The following S100A13 variants were observed in gnomAD, a reference collection of about 807,000 sequenced individuals.
The protein encoded by S100A13 is S100 calcium binding protein A13.
A neutral mutation model predicts 8.2 loss-of-function variants in S100A13; 6 were observed. The observed-to-expected ratio is 0.73, with a 90% CI of 0.40 to 1.44. The LOEUF is 1.44. Among genes scored for constraint, S100A13 ranks in the 40% most tolerant of loss-of-function variants. S100A13 has a pLI of 0.02. For synonymous variants in S100A13, 39 were observed against 45.9 expected (o/e 0.85, Z 0.61); for missense variants, 114 against 113.6 (o/e 1.00, Z -0.02).
upstream of S100A13, chr1:153,628,072 C>T (rs766973279): frequency 1.8e-5 from 28 of 1,550,474 alleles, no homozygotes; most frequent in East Asian, 6.4e-4. Context: ...AGTGAGGCCC[C>T]ATGGAGGAGC....
chr1:153,632,038 C>T (rs1483101929), upstream of S100A13: 2 of 617,066 alleles, frequency 3.2e-6, no homozygotes, highest in African/African-American at 3.7e-5. Flanking sequence ...TCTCACCAGC[C>T]ATCCGATGTC....
At chr1:153,624,074 C>T (rs1466316214) in intron 2 of S100A13, among the ~76,000 whole-genome samples, 1 of 152,124 alleles carries the variant, frequency 6.6e-6, no homozygotes, top group East Asian at 1.9e-4. Context: ...CTGAAGGTAC[C>T]TGAGGAGTCA....
At chr1:153,623,138 T>C (rs1182247265) in intron 2 of S100A13, among the ~76,000 whole-genome samples, 7 of 150,294 alleles carry the variant, frequency 4.7e-5, no homozygotes, top group African/African-American at 1.7e-4. Flanking sequence ...AACGATACAG[T>C]GGAGAAGGAA....
At chr1:153,628,383 G>C (rs1181995770), upstream of S100A13, 15 of 1,548,086 alleles carry the variant, frequency 9.7e-6, no homozygotes, top group Non-Finnish European at 1.3e-5. Context: ...TCGGTGGGGG[G>C]GTCAGCGGGG....
intron 2 of S100A13, among the ~76,000 whole-genome samples, chr1:153,621,159 A>AT (rs59588947): frequency 0.41 from 58,822 of 142,640 alleles, 13,847 homozygotes; most frequent in East Asian, 0.68. Context: ...TATCTACAGG[A>AT]TTTTTTTTTT....
intron 1 of S100A13, 111 bp from the exon 2 acceptor site, chr1:153,626,644 G>A (rs1393776757): frequency 5.1e-6 from 3 of 589,700 alleles, no homozygotes; most frequent in Non-Finnish European, 8.8e-6. Flanking sequence ...CCTGGAGGGG[G>A]CATATGGGGA....
upstream of S100A13, chr1:153,628,378 G>T: frequency 6.5e-7 from 1 of 1,546,076 alleles, no homozygotes; most frequent in Middle Eastern, 1.7e-4. Context: ...TGGAGTCGGT[G>T]GGGGGGTCAG....
At chr1:153,619,523 C>G (rs1385512227) in intron 2 of S100A13, among the ~76,000 whole-genome samples, 5 of 152,152 alleles carry the variant, frequency 3.3e-5, no homozygotes, top group Non-Finnish European at 7.3e-5. Flanking sequence ...TTGCACAACC[C>G]TTGTGTCTTT....
chr1:153,634,180 C>A (rs1668210029), upstream of S100A13: 1 of 152,818 alleles, frequency 6.5e-6, no homozygotes, highest in Non-Finnish European at 1.5e-5. Flanking sequence ...AGCCAACCAG[C>A]AACAACGAAC....
chr1:153,620,852 G>A lies in S100A13; in HGVS notation c.154-1814C>T, dbSNP rs1667198880. Among the ~76,000 whole-genome samples the A allele has an allele frequency of 2.0e-5, 3 of 152,026 alleles. No individual in the cohort carries two copies. In the South Asian group the frequency reaches 6.2e-4, roughly 32 times the overall value. On this transcript the variant is annotated intron_variant, in intron 2 of 2. Transcript: ENST00000476133. ...AGGCCAAGGTGAGAGGATCGCTTGAGCCCAGGAGTTCAAGACCAGCCAGGG... is the reference window on the plus strand; with the variant it reads ...AGGCCAAGGTGAGAGGATCGCTTGAACCCAGGAGTTCAAGACCAGCCAGGG...
upstream of S100A13, chr1:153,630,477 C>T (rs1167912386): frequency 1.2e-6 from 2 of 1,609,542 alleles, no homozygotes; most frequent in Non-Finnish European, 1.7e-6. Flanking sequence ...CGGGCCTGGT[C>T]CTCAGCTCAC....
At chr1:153,631,536 A>G, upstream of S100A13, 1 of 1,613,842 alleles carries the variant, frequency 6.2e-7, no homozygotes, top group Non-Finnish European at 8.5e-7. Flanking sequence ...GCTGTAGGCA[A>G]CAGAAGCCCT....
In S100A13 at chr1:153,626,494, G is replaced by A; in HGVS notation, c.-22C>T. On this transcript the variant is annotated 5_prime_UTR_variant, in exon 2 of 3. Transcript: ENST00000476133. ...CCATTAGGACCCTGAGGCCAAAGCTGATGTCCTCAAGGGGCTAGCTGACCT... is the reference window on the plus strand; with the variant it reads ...CCATTAGGACCCTGAGGCCAAAGCTAATGTCCTCAAGGGGCTAGCTGACCT... 1.2e-6 allele frequency: 2 copies of A among 1,613,228 alleles called. No homozygotes were observed. Among genetic ancestry groups the A allele is most frequent in the Non-Finnish European group, 8.5e-7 (1 of 1,179,280 alleles).
upstream of S100A13, chr1:153,628,489 G>A: frequency 6.4e-7 from 1 of 1,550,746 alleles, no homozygotes; most frequent in Non-Finnish European, 8.7e-7. Flanking sequence ...CTCAGGCCCA[G>A]GCCAACCGTG....
chr1:153,632,571 G>A (rs936827797), upstream of S100A13, among the ~76,000 whole-genome samples: 3 of 151,982 alleles, frequency 2.0e-5, no homozygotes, highest in Non-Finnish European at 4.4e-5. Context: ...GCGCTAGGCC[G>A]AAAGAATCTT....
chr1:153,630,169 G>A, upstream of S100A13: 1 of 412,304 alleles, frequency 2.4e-6, no homozygotes, highest in Non-Finnish European at 4.3e-6. Context: ...GACCACCCCT[G>A]CCTGCCCCAC....
At chr1:153,631,188 A>C, upstream of S100A13, 1 of 425,808 alleles carries the variant, frequency 2.3e-6, no homozygotes. Context: ...TGAAGGATGT[A>C]GAAAACTAGG....
upstream of S100A13, chr1:153,631,835 C>G (rs1017572198): frequency 1.7e-5 from 27 of 1,613,652 alleles, no homozygotes; most frequent in Non-Finnish European, 2.1e-5. Context: ...TCTGGGAGAA[C>G]AGTTGAGCAG....
At chr1:153,620,347 A>G (rs1464826837) in intron 2 of S100A13, among the ~76,000 whole-genome samples, 1 of 151,728 alleles carries the variant, frequency 6.6e-6, no homozygotes, top group Non-Finnish European at 1.5e-5. Context: ...CGTAGTCCCA[A>G]CTACTTGGGA....
Sources: allele counts gnomAD v4.1 joint callset (sites outside exome capture counted in the v4.1 genomes callset), GRCh38; gene constraint gnomAD v4.1.1; transcripts MANE v1.5; gene names NCBI Gene and HGNC (gene_info 2026-07-23, HGNC 2026-07-21).